The following ROBO1 variants were observed in gnomAD, a reference collection of about 807,000 sequenced individuals.
ROBO1 encodes the protein roundabout homolog 1.
A neutral mutation model predicts 195.9 loss-of-function variants in ROBO1; 149 were observed. The ratio of observed to expected loss-of-function variants is 0.76; its 90% confidence interval spans 0.67 to 0.87. The LOEUF is 0.87. Among genes scored for constraint, ROBO1 ranks in the 40% least tolerant of loss-of-function variants. The pLI is 0.00. For synonymous variants in ROBO1, 816 were observed against 733.2 expected (o/e 1.11, Z -1.82); for missense variants, 1,933 against 2,068.3 (o/e 0.93, Z 1.27).
At chr3:78,846,638 TACC>T (rs1233198072) in intron 4 of ROBO1, among the ~76,000 whole-genome samples, 9 of 152,172 alleles carry the variant, frequency 5.9e-5, no homozygotes, top group Admixed American at 5.2e-4. Flanking sequence ...ATTTTGAGGA[TACC>T]AACACAAGAT....
rs1270007807 is a variant in ROBO1, at chr3:78,666,423, A to C, written c.1966+1460T>G. Among the ~76,000 whole-genome samples the C allele has an allele frequency of 5.3e-5, 8 of 152,228 alleles. No individual in the cohort carries two copies. The East Asian group carries it at 1.5e-3, about 29-fold the overall frequency. On this transcript the variant is annotated intron_variant, in intron 14 of 30. Coordinates refer to ENST00000464233, the MANE Select transcript of ROBO1 (RefSeq NM_002941.4). ...ATTCCAGAATCATGCATGTGAGTACAGGACAAAACGGTGTTAAGCTCTAGT... is the reference window on the plus strand; with the variant it reads ...ATTCCAGAATCATGCATGTGAGTACCGGACAAAACGGTGTTAAGCTCTAGT...
At chr3:79,517,451 C>T (rs562712119) in intron 2 of ROBO1, among the ~76,000 whole-genome samples, 1 of 152,322 alleles carries the variant, frequency 6.6e-6, no homozygotes, top group East Asian at 1.9e-4. Context: ...ATCAATCTCT[C>T]TGCTAGGCTC....
intron 3 of ROBO1, among the ~76,000 whole-genome samples, chr3:79,081,277 C>T (rs1000254097): frequency 2.0e-5 from 3 of 151,908 alleles, no homozygotes; most frequent in African/African-American, 7.2e-5. Context: ...AAGATGCTGC[C>T]ATTGCATTAA....
At chr3:78,904,257 C>T (rs1377622375) in intron 4 of ROBO1, among the ~76,000 whole-genome samples, 10 of 151,938 alleles carry the variant, frequency 6.6e-5, no homozygotes, top group Admixed American at 6.6e-4. Flanking sequence ...TGAATCCATT[C>T]AGTAGGTTGA....
chr3:79,752,992 A>C (rs958781218), intron 1 of ROBO1, among the ~76,000 whole-genome samples: 1 of 152,122 alleles, frequency 6.6e-6, no homozygotes, highest in South Asian at 2.1e-4. Context: ...ATTAATCTTT[A>C]GGTAGAGAGT....
At chr3:78,679,941 G>T (rs1020800244) in intron 10 of ROBO1, among the ~76,000 whole-genome samples, 3 of 151,998 alleles carry the variant, frequency 2.0e-5, no homozygotes, top group Non-Finnish European at 2.9e-5. Flanking sequence ...ATACTACAAG[G>T]CTACAGTAAC....
chr3:79,719,685 T>A (rs992643688), intron 1 of ROBO1, among the ~76,000 whole-genome samples: 4 of 152,174 alleles, frequency 2.6e-5, no homozygotes, highest in African/African-American at 9.6e-5. Flanking sequence ...CATGAACTCA[T>A]GCAGAGAGTG....
intron 2 of ROBO1, among the ~76,000 whole-genome samples, chr3:79,320,094 T>A (rs774540381): frequency 6.6e-6 from 1 of 152,172 alleles, no homozygotes; most frequent in African/African-American, 2.4e-5. Flanking sequence ...CATGGACATA[T>A]AAGCAACAGA....
intron 1 of ROBO1, among the ~76,000 whole-genome samples, chr3:79,734,043 G>A (rs541995417): frequency 6.6e-5 from 10 of 151,908 alleles, no homozygotes; most frequent in African/African-American, 2.4e-4. Flanking sequence ...CGCCTCCCGG[G>A]TTCAAGCAAT....
chr3:79,164,516 C>G (rs1032900236), intron 2 of ROBO1, among the ~76,000 whole-genome samples: 1 of 152,226 alleles, frequency 6.6e-6, no homozygotes, highest in East Asian at 1.9e-4. Flanking sequence ...TCATCTTGAT[C>G]CAGCCCACCA....
At chr3:79,702,094 G>T (rs1947638446) in intron 1 of ROBO1, among the ~76,000 whole-genome samples, 1 of 151,678 alleles carries the variant, frequency 6.6e-6, no homozygotes, top group South Asian at 2.1e-4. Flanking sequence ...ATATCATCAG[G>T]TAAATATCAT....
chr3:79,521,495 CA>C (rs1243873866), intron 2 of ROBO1, among the ~76,000 whole-genome samples: 1 of 152,060 alleles, frequency 6.6e-6, no homozygotes, highest in East Asian at 1.9e-4. Context: ...CGATCTAATT[CA>C]GATGAAAAAT....
At chr3:78,618,223 G>A (rs1429494637) in intron 26 of ROBO1, among the ~76,000 whole-genome samples, 182 bp from the exon 27 acceptor site, 1 of 152,014 alleles carries the variant, frequency 6.6e-6, no homozygotes, top group Non-Finnish European at 1.5e-5. Flanking sequence ...GTTGCACTTC[G>A]CAACCAGAGG....
chr3:79,528,267 C>A (rs1170128072), intron 2 of ROBO1, among the ~76,000 whole-genome samples: 3 of 152,180 alleles, frequency 2.0e-5, no homozygotes, highest in Non-Finnish European at 4.4e-5. Context: ...ATTGACCTGA[C>A]ATCTCTTGCT....
At chr3:79,307,823 C>A (rs1477539011) in intron 2 of ROBO1, among the ~76,000 whole-genome samples, 1 of 151,744 alleles carries the variant, frequency 6.6e-6, no homozygotes, top group Non-Finnish European at 1.5e-5. Flanking sequence ...GGAAGTAATG[C>A]CTATTTGGTA....
intron 2 of ROBO1, among the ~76,000 whole-genome samples, chr3:79,361,499 C>A (rs2109305068): frequency 6.6e-6 from 1 of 152,040 alleles, no homozygotes; most frequent in South Asian, 2.1e-4. Flanking sequence ...TTAATACCAG[C>A]AAAATAACGA....
At chr3:79,496,957 A>G (rs1939781757) in intron 2 of ROBO1, among the ~76,000 whole-genome samples, 1 of 152,222 alleles carries the variant, frequency 6.6e-6, no homozygotes, top group Non-Finnish European at 1.5e-5. Flanking sequence ...TCTCTTAAGA[A>G]AAAGTTATTT....
chr3:78,968,842 G>C (rs933086177), intron 3 of ROBO1, among the ~76,000 whole-genome samples: 1 of 152,120 alleles, frequency 6.6e-6, no homozygotes, highest in African/African-American at 2.4e-5. Flanking sequence ...TTACTGGTAA[G>C]GTTAAAAGAT....
intron 2 of ROBO1, among the ~76,000 whole-genome samples, chr3:79,443,362 T>C (rs769867506): frequency 1.3e-5 from 2 of 152,192 alleles, no homozygotes; most frequent in Non-Finnish European, 2.9e-5. Context: ...TGTAGTTGTT[T>C]ATTGGTGAAT....
Sources: allele counts gnomAD v4.1 joint callset (sites outside exome capture counted in the v4.1 genomes callset), GRCh38; gene constraint gnomAD v4.1.1; transcripts MANE v1.5; gene names NCBI Gene and HGNC (gene_info 2026-07-23, HGNC 2026-07-21).